The following CCDC178 variants were observed in gnomAD, a reference collection of about 807,000 sequenced individuals.
CCDC178 encodes coiled-coil domain-containing protein 178.
CCDC178 carries 126 observed loss-of-function variants against 117.4 expected under a neutral mutation model. That is an observed-to-expected ratio of 1.07 (90% CI 0.93 to 1.24). CCDC178 has a LOEUF of 1.24. Ranked by LOEUF, CCDC178 falls within the 50% of genes most tolerant of loss-of-function variation. The pLI is 0.00. For synonymous variants in CCDC178, 283 were observed against 313.4 expected (o/e 0.90, Z 1.02); for missense variants, 1,030 against 986.9 (o/e 1.04, Z -0.59).
intron 7 of CCDC178, among the ~76,000 whole-genome samples, chr18:33,354,113 GC>G (rs1417792699): frequency 1.3e-5 from 2 of 152,060 alleles, no homozygotes; most frequent in African/African-American, 2.4e-5. Context: ...TCACCCCACT[GC>G]ATTCTGACTT....
At chr18:33,356,828 C>G (rs906402553) in intron 6 of CCDC178, among the ~76,000 whole-genome samples, 1 of 152,018 alleles carries the variant, frequency 6.6e-6, no homozygotes, top group Non-Finnish European at 1.5e-5. Context: ...TATTCAGAAA[C>G]AGTCCTGCAA....
intron 11 of CCDC178, among the ~76,000 whole-genome samples, chr18:33,303,953 G>A (rs953747197): frequency 2.0e-5 from 3 of 152,056 alleles, no homozygotes; most frequent in African/African-American, 7.2e-5. Context: ...AGAAGCCACC[G>A]GGAATCCTCA....
chr18:33,283,834 G>T (rs991572826), intron 12 of CCDC178, among the ~76,000 whole-genome samples: 1 of 152,216 alleles, frequency 6.6e-6, no homozygotes, highest in Non-Finnish European at 1.5e-5. Flanking sequence ...CATCGTTGTG[G>T]ATTACAGTGT....
chr18:33,047,285 C>T (rs917868623), intron 21 of CCDC178, among the ~76,000 whole-genome samples: 3 of 152,132 alleles, frequency 2.0e-5, no homozygotes, highest in Non-Finnish European at 2.9e-5. Context: ...TGTCCCAGGG[C>T]AGATTTTAGT....
In CCDC178 at chr18:33,225,883, C is replaced by T. The variant is rs149714476; in HGVS notation, c.1656+910G>A. Among the ~76,000 whole-genome samples the T allele has an allele frequency of 5.4e-3, 708 of 131,334 alleles. 5 individuals carry two copies. The highest frequency in any genetic ancestry group is 0.019 in the African/African-American group (677 of 35,192). 86.2% of individuals were successfully genotyped at this position (131,334 alleles called of 152,430 possible). ...TCATCTCAAAAAACACTGTTAGGGC[C>T]GGGCGTGGTGGCTCACGCCTGTAAT... On this transcript the variant is annotated intron_variant, in intron 16 of 22. Coordinates refer to ENST00000383096, the MANE Select transcript of CCDC178 (RefSeq NM_001105528.4).
At chr18:33,111,107 T>G (rs1348907897) in intron 20 of CCDC178, among the ~76,000 whole-genome samples, 2 of 151,632 alleles carry the variant, frequency 1.3e-5, no homozygotes, top group African/African-American at 2.4e-5. Context: ...GTACATCTTT[T>G]GTTAAATATA....
chr18:33,183,280 AGTT>A (rs1568039563), intron 20 of CCDC178, among the ~76,000 whole-genome samples: 1 of 151,984 alleles, frequency 6.6e-6, no homozygotes, highest in African/African-American at 2.4e-5. Context: ...ACTCTTTTAA[AGTT>A]GTTGCGCCAA....
chr18:33,063,789 G>A (rs2056968952), intron 21 of CCDC178, among the ~76,000 whole-genome samples: 1 of 152,106 alleles, frequency 6.6e-6, no homozygotes. Flanking sequence ...CTGAAGACTG[G>A]CATGCCTGGC....
intron 5 of CCDC178, among the ~76,000 whole-genome samples, chr18:33,387,668 C>T (rs886187606): frequency 6.6e-6 from 1 of 152,142 alleles, no homozygotes; most frequent in African/African-American, 2.4e-5. Flanking sequence ...ATGCAGAAAA[C>T]TGAGACTGGA....
intron 21 of CCDC178, among the ~76,000 whole-genome samples, chr18:33,003,337 A>C (rs1377093336): frequency 6.6e-6 from 1 of 152,224 alleles, no homozygotes; most frequent in Admixed American, 6.5e-5. Flanking sequence ...ATCATTTATC[A>C]TGACCAAGTG....
chr18:33,016,241 C>G (rs1305966290), intron 21 of CCDC178, among the ~76,000 whole-genome samples: 2 of 151,880 alleles, frequency 1.3e-5, no homozygotes, highest in African/African-American at 4.8e-5. Context: ...TGAAAAAATA[C>G]TGTCAACTAA....
At chr18:33,146,327 C>T (rs1021693656) in intron 20 of CCDC178, among the ~76,000 whole-genome samples, 8 of 152,138 alleles carry the variant, frequency 5.3e-5, no homozygotes, top group African/African-American at 1.9e-4. Flanking sequence ...TTGAAAAAGC[C>T]TTTGAGAGAC....
At chr18:33,018,497 C>G (rs1013531464) in intron 21 of CCDC178, among the ~76,000 whole-genome samples, 7 of 151,990 alleles carry the variant, frequency 4.6e-5, no homozygotes, top group African/African-American at 1.4e-4. Flanking sequence ...AAATGCCCAT[C>G]AAGTGATGAA....
chr18:33,425,543 C>T (rs1177172246), intron 2 of CCDC178, among the ~76,000 whole-genome samples: 1 of 152,204 alleles, frequency 6.6e-6, no homozygotes, highest in African/African-American at 2.4e-5. Context: ...GCTTCAGCCA[C>T]CAAAGAGAAG....
intron 2 of CCDC178, among the ~76,000 whole-genome samples, chr18:33,423,537 G>C (rs1309404266): frequency 6.6e-6 from 1 of 151,516 alleles, no homozygotes; most frequent in Non-Finnish European, 1.5e-5. Flanking sequence ...TTTCCCTTTT[G>C]TAACCAATTT....
chr18:33,034,263 A>G (rs2056401154), intron 21 of CCDC178, among the ~76,000 whole-genome samples: 1 of 151,976 alleles, frequency 6.6e-6, no homozygotes, highest in African/African-American at 2.4e-5. Flanking sequence ...GAAACATTGC[A>G]AATCTTCCAA....
chr18:33,173,721 C>T (rs2058631867), intron 20 of CCDC178, among the ~76,000 whole-genome samples: 1 of 152,224 alleles, frequency 6.6e-6, no homozygotes. Context: ...TCTGCCGTGA[C>T]TGTCCTTCCT....
intron 20 of CCDC178, among the ~76,000 whole-genome samples, chr18:33,110,792 A>T (rs2057770228): frequency 6.6e-6 from 1 of 151,580 alleles, no homozygotes; most frequent in African/African-American, 2.4e-5. Flanking sequence ...TTGTACCAAT[A>T]TCACAATTTC....
rs1298524755 is a variant in CCDC178 at position 33,333,223 on chromosome 18, T to C, written c.830A>G (p.Gln277Arg). The change falls in exon 10 of 23, where the codon CAG becomes CGG. Residue 277 changes from glutamine (Q) to arginine (R), a missense_variant. Transcript: ENST00000383096. ...NEHGPLLDSKQNQELQDLKNH... is the reference protein window; with the variant it reads ...NEHGPLLDSKRNQELQDLKNH... The stretch of plus-strand genomic sequence containing the variant: ...CTTCAGATCTTGAAGTTCCTGATTC[T>C]GCTTAGAGTCCAGTAGAGGGCCATG... The C allele has an allele frequency of 8.7e-6, 14 of 1,610,956 alleles. No homozygotes were observed. Among genetic ancestry groups the C allele is most frequent in the South Asian group, 1.1e-5 (1 of 90,336 alleles).
Sources: allele counts gnomAD v4.1 joint callset (sites outside exome capture counted in the v4.1 genomes callset), GRCh38; gene constraint gnomAD v4.1.1; transcripts MANE v1.5; gene names NCBI Gene and HGNC (gene_info 2026-07-23, HGNC 2026-07-21).